The following PDE1C variants were observed in gnomAD, a reference collection of about 807,000 sequenced individuals.
The protein encoded by PDE1C is dual specificity calcium/calmodulin-dependent 3',5'-cyclic nucleotide phosphodiesterase 1C.
Under a neutral mutation model 93.1 loss-of-function variants are expected in PDE1C, and 62 were observed. That is an observed-to-expected ratio of 0.67 (90% CI 0.54 to 0.82). The LOEUF (loss-of-function observed/expected upper bound fraction) is 0.82, where lower values mean the gene tolerates loss of function less well. Among genes scored for constraint, PDE1C ranks in the 40% least tolerant of loss-of-function variants. PDE1C has a pLI of 0.00. For synonymous variants in PDE1C, 325 were observed against 310.1 expected, an observed-to-expected ratio of 1.05 and a Z score of -0.50; for missense variants, 742 against 884.6, an observed-to-expected ratio of 0.84 and a Z score of 2.04.
chr7:31,997,168 T>C (rs1784822441), intron 2 of PDE1C, among the ~76,000 whole-genome samples: 1 of 152,206 alleles, frequency 6.6e-6, no homozygotes, highest in Admixed American at 6.5e-5. Flanking sequence ...ATGGGCTTTT[T>C]AGTAGACAGG....
At chr7:31,623,489 A>G in the PDE1C span, among the ~76,000 whole-genome samples, 1 of 151,836 alleles carries the variant, frequency 6.6e-6, no homozygotes. Context: ...CATAAACAGA[A>G]CCAAAGACAA....
chr7:32,407,000 G>A (rs1265201625), intron 1 of PDE1C, among the ~76,000 whole-genome samples: 1 of 152,170 alleles, frequency 6.6e-6, no homozygotes, highest in East Asian at 1.9e-4. Context: ...AACAGGCCGG[G>A]CGCGGTGGCT....
chr7:31,858,253 G>A (rs1184113532), intron 7 of PDE1C, among the ~76,000 whole-genome samples: 2 of 152,156 alleles, frequency 1.3e-5, no homozygotes, highest in Non-Finnish European at 2.9e-5. Flanking sequence ...GAGGGACTGT[G>A]TGAGTCATTT....
intron 1 of PDE1C, among the ~76,000 whole-genome samples, chr7:32,376,849 G>A (rs1784441122): frequency 6.6e-6 from 1 of 152,070 alleles, no homozygotes; most frequent in Admixed American, 6.5e-5. Context: ...CACCACGCCG[G>A]GTTAATTTTT....
At chr7:31,947,018 C>T (rs1045497056) in intron 2 of PDE1C, among the ~76,000 whole-genome samples, 17 of 152,166 alleles carry the variant, frequency 1.1e-4, no homozygotes, top group Admixed American at 6.5e-5. Context: ...GTTACAGATG[C>T]CAGAGGTCTG....
At chr7:31,873,245 CAT>C in intron 6 of PDE1C, 45 bp downstream of exon 6, 1 of 1,133,598 alleles carries the variant, frequency 8.8e-7, no homozygotes, top group Non-Finnish European at 1.3e-6. Flanking sequence ...TGAGGATAAA[CAT>C]ATGCATGTAG....
At chr7:32,062,220 G>A (rs1794896343) in intron 1 of PDE1C, among the ~76,000 whole-genome samples, 1 of 152,210 alleles carries the variant, frequency 6.6e-6, no homozygotes, top group South Asian at 2.1e-4. Context: ...AACCCTGCGA[G>A]TTGACCTTAA....
At chr7:31,671,998 T>C in the PDE1C span, among the ~76,000 whole-genome samples, 2 of 152,236 alleles carry the variant, frequency 1.3e-5, no homozygotes, top group Non-Finnish European at 2.9e-5. Context: ...CGATGATTGA[T>C]TCCTGATTTG....
chr7:32,333,071 A>T (rs368588388), intron 1 of PDE1C, among the ~76,000 whole-genome samples: 1 of 152,216 alleles, frequency 6.6e-6, no homozygotes, highest in Non-Finnish European at 1.5e-5. Context: ...ACTTAGGAAG[A>T]GTATTTGCCT....
chr7:32,006,335 G>GA (rs560069756), intron 2 of PDE1C, among the ~76,000 whole-genome samples: 226 of 151,782 alleles, frequency 1.5e-3, no homozygotes, highest in African/African-American at 5.1e-3. Flanking sequence ...TGATCAATTT[G>GA]AAAAAAAATT....
In PDE1C at chr7:32,021,645, A is replaced by G. The variant is rs115831431; in HGVS notation, c.128+29909T>C. Among the ~76,000 whole-genome samples, 678 of 152,230 alleles carry G rather than the reference A, an allele frequency of 4.5e-3. 7 individuals are homozygous for G. Among genetic ancestry groups the G allele is most frequent in the African/African-American group, 0.015 (631 of 41,560 alleles). On this transcript the variant is annotated intron_variant, in intron 2 of 17. Coordinates refer to ENST00000396191, the MANE Select transcript of PDE1C (RefSeq NM_001191057.4). ...ATTCCTTGGCTGAAGAATTTTGTGT[A>G]CCAATAAAAATTATTTCAATACATT... is the stretch of plus-strand genomic sequence containing the variant.
chr7:32,082,704 C>A (rs1403380525), intron 3 of PDE1C, among the ~76,000 whole-genome samples: 1 of 152,220 alleles, frequency 6.6e-6, no homozygotes, highest in Non-Finnish European at 1.5e-5. Context: ...CCAAAATCCA[C>A]TGTTCTGCAG....
At chr7:31,967,198 T>C (rs185981962) in intron 2 of PDE1C, among the ~76,000 whole-genome samples, 13 of 152,024 alleles carry the variant, frequency 8.6e-5, no homozygotes, top group Admixed American at 5.2e-4. Context: ...ATCAACAAAA[T>C]TGATAGACCG....
At chr7:31,698,311 A>G in the PDE1C span, among the ~76,000 whole-genome samples, 1 of 152,114 alleles carries the variant, frequency 6.6e-6, no homozygotes, top group African/African-American at 2.4e-5. Context: ...GCTCCATGGG[A>G]TTTGTGTTCT....
intron 2 of PDE1C, among the ~76,000 whole-genome samples, chr7:31,896,435 G>A (rs73306581): frequency 0.028 from 4,301 of 152,184 alleles, 202 homozygotes; most frequent in African/African-American, 0.099. Flanking sequence ...GATCTACTTG[G>A]TAAGGATTTA....
chr7:31,866,510 C>T (rs951668516), intron 6 of PDE1C, among the ~76,000 whole-genome samples: 3 of 152,060 alleles, frequency 2.0e-5, no homozygotes, highest in Non-Finnish European at 4.4e-5. Flanking sequence ...TACAGATTTC[C>T]GATGCAAAGA....
intron 2 of PDE1C, among the ~76,000 whole-genome samples, chr7:31,957,732 A>C (rs1808339435): frequency 6.6e-6 from 1 of 152,176 alleles, no homozygotes; most frequent in Non-Finnish European, 1.5e-5. Flanking sequence ...GCATTTTCTC[A>C]GCAATTTCTT....
At chr7:31,668,446 GGATA>G in the PDE1C span, among the ~76,000 whole-genome samples, 2 of 151,970 alleles carry the variant, frequency 1.3e-5, no homozygotes, top group African/African-American at 4.8e-5. Context: ...ACTGATGAAT[GGATA>G]AACAAGATGC....
the PDE1C span, among the ~76,000 whole-genome samples, chr7:31,718,014 GA>G: frequency 5.6e-3 from 859 of 152,316 alleles, 7 homozygotes; most frequent in African/African-American, 0.019. Flanking sequence ...GAGAGTAGGT[GA>G]AATAGCAGGT....
Sources: allele counts gnomAD v4.1 joint callset (sites outside exome capture counted in the v4.1 genomes callset), GRCh38; gene constraint gnomAD v4.1.1; transcripts MANE v1.5; gene names NCBI Gene and HGNC (gene_info 2026-07-23, HGNC 2026-07-21).